The following RPP40 variants were observed in gnomAD, a reference collection of about 807,000 sequenced individuals.
RPP40 encodes ribonuclease P/MRP subunit p40.
A neutral mutation model predicts 42.5 loss-of-function variants in RPP40; 30 were observed. The ratio of observed to expected loss-of-function variants is 0.71; its 90% CI spans 0.53 to 0.96. The LOEUF is 0.96. Ranked by LOEUF, RPP40 falls within the 40% of genes least tolerant of loss-of-function variation. The pLI is 0.00. For synonymous variants in RPP40, 173 were observed against 164.0 expected (o/e 1.05, Z -0.42); for missense variants, 426 against 433.5 (o/e 0.98, Z 0.15).
chr6:4,996,513 G>T, intron 5 of RPP40, 93 bp from the exon 6 acceptor site: 1 of 1,160,312 alleles, frequency 8.6e-7, no homozygotes, highest in Non-Finnish European at 1.3e-6. Context: ...CCATCTGAGC[G>T]GTAAGATTGA....
downstream of RPP40, among the ~76,000 whole-genome samples, chr6:4,992,081 T>C (rs562953477): frequency 6.6e-6 from 1 of 152,172 alleles, no homozygotes; most frequent in South Asian, 2.1e-4. Flanking sequence ...CCCATGCCTG[T>C]AATCCCAGCA....
At chr6:4,992,027 G>A (rs906796419), downstream of RPP40, among the ~76,000 whole-genome samples, 1 of 152,116 alleles carries the variant, frequency 6.6e-6, no homozygotes, top group African/African-American at 2.4e-5. Context: ...TGTGCTTCCT[G>A]CACAGCCTGC....
chr6:4,999,689 T>G, intron 4 of RPP40, 120 bp downstream of exon 4: 1 of 628,326 alleles, frequency 1.6e-6, no homozygotes, highest in Non-Finnish European at 2.9e-6. Context: ...GTCAGAAGTT[T>G]GACAGATTTT....
At chr6:4,999,275 G>A in intron 4 of RPP40, among the ~76,000 whole-genome samples, 1 of 148,814 alleles carries the variant, frequency 6.7e-6, no homozygotes, top group Non-Finnish European at 1.5e-5. Flanking sequence ...CTCCTATCTT[G>A]GGTTCAGTAC....
At chr6:4,988,486 C>T in the RPP40 span, among the ~76,000 whole-genome samples, 1 of 152,144 alleles carries the variant, frequency 6.6e-6, no homozygotes, top group East Asian at 1.9e-4. Flanking sequence ...CCCTCCCCAC[C>T]CCCAACATCC....
chr6:4,998,635 C>T lies in RPP40; in HGVS notation c.559+81G>A, dbSNP rs528869603. ...TATTCCTTGACTAAAGAGTGAATCA[C>T]CATTCAATCCTCCATTACTCCTCTT... On this transcript the variant is annotated intron_variant, in intron 5 of 7. Transcript: ENST00000380051. The T allele has an allele frequency of 6.6e-5, 61 of 924,452 alleles. No individual in the cohort carries two copies. The South Asian group carries it at 9.8e-4, about 15-fold the overall frequency. The allele number at this position is 924,452 out of a possible 1,614,324, so 57.3% of individuals were successfully genotyped here. A position where few individuals can be genotyped will look rare whatever the true frequency, so the allele number is the denominator to read the frequency against.
rs1759324173 is a variant in RPP40, at chr6:4,994,952, C to G, written c.*126G>C. The G allele has an allele frequency of 7.2e-6, 6 of 834,782 alleles. No individual in the cohort carries two copies. The South Asian group carries it at 1.1e-4, about 15-fold the overall frequency. 51.7% of individuals were successfully genotyped at this position (834,782 alleles called of 1,614,324 possible). ...TGGGTCTCAGGTGCAGGGCAGGATGCCAGCAAATGCTGATCTGAGAAATGT... is the reference window on the plus strand; with the variant it reads ...TGGGTCTCAGGTGCAGGGCAGGATGGCAGCAAATGCTGATCTGAGAAATGT... On this transcript the variant is annotated 3_prime_UTR_variant, in exon 8 of 8. Coordinates refer to ENST00000380051, the MANE Select transcript of RPP40 (RefSeq NM_006638.4).
At chr6:4,989,406 C>T in the RPP40 span, among the ~76,000 whole-genome samples, 2 of 151,832 alleles carry the variant, frequency 1.3e-5, no homozygotes, top group Admixed American at 1.3e-4. Flanking sequence ...ACTCTAGGTC[C>T]TTTGAAGTTC....
At chr6:4,998,040 A>G (rs1204558191) in intron 5 of RPP40, among the ~76,000 whole-genome samples, 1 of 152,206 alleles carries the variant, frequency 6.6e-6, no homozygotes, top group Non-Finnish European at 1.5e-5. Flanking sequence ...CATGGGAGCA[A>G]CTTGGAGCAC....
chr6:4,999,982 T>C lies in RPP40; in HGVS notation c.338-78A>G, dbSNP rs1759501830. 9.7e-6 allele frequency: 8 copies of C among 827,068 alleles called. No individual in the cohort carries two copies. In the Middle Eastern group the frequency reaches 9.2e-4, roughly 95 times the overall value. 51.2% of individuals were successfully genotyped at this position (827,068 alleles called of 1,614,324 possible). On this transcript the variant is annotated intron_variant, in intron 3 of 7. Coordinates refer to ENST00000380051, the MANE Select transcript of RPP40 (RefSeq NM_006638.4). ...TCTGACTAAAAGAAAGCAAGGCAAA[T>C]TGAGCAGTTAGATATCAATGTAACA...
chr6:5,002,357 G>C, intron 1 of RPP40, 112 bp from the exon 2 acceptor site: 1 of 898,524 alleles, frequency 1.1e-6, no homozygotes, highest in Non-Finnish European at 1.6e-6. Flanking sequence ...AGTTTCACTG[G>C]AACATAAAAA....
intron 5 of RPP40, among the ~76,000 whole-genome samples, chr6:4,997,038 T>A (rs1015962302): frequency 1.3e-5 from 2 of 152,234 alleles, no homozygotes; most frequent in Non-Finnish European, 2.9e-5. Flanking sequence ...ACTGGAGTTC[T>A]TAAACTCCAG....
Position 5,002,239 on chromosome 6 carries a change from A to G in RPP40, c.130T>C (p.Phe44Leu). ...QTHYYNYRVS[F>L]LIPECGILSE... The stretch of plus-strand genomic sequence containing the variant: ...AGTATCCCACATTCAGGAATGAGAA[A>G]TGAAACCTATTGGAATGTGTAATAC... The change falls in exon 2 of 8, where the codon TTT (phenylalanine) becomes CTT (leucine). Residue 44 changes from phenylalanine to leucine, a missense_variant. Physicochemically the swap from Phe to Leu is conservative, Grantham distance 22 (BLOSUM62 0). Transcript: ENST00000380051. The G allele has an allele frequency of 1.2e-6, 2 of 1,612,226 alleles. No homozygotes were observed. The highest frequency in any genetic ancestry group is 1.7e-6 in the Non-Finnish European group (2 of 1,179,182).
chr6:5,000,240 C>T (rs947927120), intron 3 of RPP40, among the ~76,000 whole-genome samples: 8 of 151,758 alleles, frequency 5.3e-5, no homozygotes, highest in African/African-American at 1.7e-4. Context: ...CAGGCTGGAG[C>T]GCAGTGGCGC....
intron 5 of RPP40, among the ~76,000 whole-genome samples, chr6:4,997,564 G>T (rs1037463798): frequency 3.9e-5 from 6 of 151,976 alleles, no homozygotes; most frequent in African/African-American, 1.5e-4. Context: ...AGCATCCCTG[G>T]GTCTCCCACT....
chr6:4,989,607 T>C, the RPP40 span, among the ~76,000 whole-genome samples: 1 of 152,226 alleles, frequency 6.6e-6, no homozygotes, highest in Admixed American at 6.5e-5. Context: ...CTCTTTATCA[T>C]ATCAGTATTT....
intron 1 of RPP40, 146 bp downstream of exon 1, chr6:5,003,734 C>T: frequency 9.4e-7 from 1 of 1,061,852 alleles, no homozygotes; most frequent in Non-Finnish European, 1.3e-6. Flanking sequence ...AGTTAAGAGA[C>T]TACAACTCCC....
chr6:4,997,810 C>T (rs1759426916), intron 5 of RPP40, among the ~76,000 whole-genome samples: 1 of 152,160 alleles, frequency 6.6e-6, no homozygotes, highest in Non-Finnish European at 1.5e-5. Flanking sequence ...TAGCAGGCTA[C>T]CTAGTTAGCC....
chr6:5,000,937 A>G (rs1759537497), intron 2 of RPP40, among the ~76,000 whole-genome samples: 1 of 151,510 alleles, frequency 6.6e-6, no homozygotes, highest in African/African-American at 2.4e-5. Context: ...CATGCAGAAG[A>G]ACAAGCATGC....
Sources: allele counts gnomAD v4.1 joint callset (sites outside exome capture counted in the v4.1 genomes callset), GRCh38; gene constraint gnomAD v4.1.1; transcripts MANE v1.5; gene names NCBI Gene and HGNC (gene_info 2026-07-23, HGNC 2026-07-21).